DSTN: variants seen among roughly 807,000 people sequenced by gnomAD.
DSTN encodes destrin.
Under a neutral mutation model 16.8 loss-of-function variants are expected in DSTN, and 10 were observed. The ratio of observed to expected loss-of-function variants is 0.60; its 90% CI spans 0.37 to 1.01. The LOEUF (loss-of-function observed/expected upper bound fraction) is 1.01. Among genes scored for constraint, DSTN ranks in the 50% least tolerant of loss-of-function variants. The pLI is 0.01. For synonymous variants in DSTN, 57 were observed against 58.9 expected (o/e 0.97, Z 0.14); for missense variants, 141 against 196.7 (o/e 0.72, Z 1.69).
chr20:17,576,607 G>A (rs947195698), intron 1 of DSTN: 2 of 152,238 alleles, frequency 1.3e-5, no homozygotes, highest in Non-Finnish European at 2.9e-5. Context: ...TGAAAAGACT[G>A]AGAACGTCTG....
rs2035670967 is a variant in DSTN, at chr20:17,608,951, G to C, written c.*1805G>C. On this transcript the variant is annotated 3_prime_UTR_variant, in exon 4 of 4. Coordinates refer to ENST00000246069, the MANE Select transcript of DSTN (RefSeq NM_006870.4). ...ACAGTTGCCGACAGTATTCAGTATA[G>C]TAACGTGCTGTCCAGGTTTGTGGTC... is the stretch of plus-strand genomic sequence containing the variant. 1 of 152,144 alleles carries C rather than the reference G, an allele frequency of 6.6e-6. No individual in the cohort carries two copies. Among genetic ancestry groups the C allele is most frequent in the Non-Finnish European group, 1.5e-5 (1 of 68,036 alleles). The allele number at this position is 152,144 out of a possible 1,614,324, so 9.4% of individuals were successfully genotyped here.
chr20:17,572,655 A>C (rs2122154091), intron 1 of DSTN, among the ~76,000 whole-genome samples: 1 of 152,316 alleles, frequency 6.6e-6, no homozygotes, highest in South Asian at 2.1e-4. Context: ...GGTGATTAGC[A>C]AAAACACTAC....
At chr20:17,599,175 C>T (rs979671379) in intron 1 of DSTN, 8 of 152,272 alleles carry the variant, frequency 5.3e-5, no homozygotes, top group Admixed American at 4.6e-4. Context: ...CACCTGCAGC[C>T]CTGGCTATCT....
intron 1 of DSTN, among the ~76,000 whole-genome samples, chr20:17,572,731 A>C (rs1010032396): frequency 9.8e-5 from 15 of 152,336 alleles, no homozygotes; most frequent in African/African-American, 3.6e-4. Context: ...ACAGATTGTA[A>C]AGGATTAATT....
intron 1 of DSTN, among the ~76,000 whole-genome samples, chr20:17,589,704 A>T (rs918050767): frequency 1.3e-5 from 2 of 152,164 alleles, no homozygotes; most frequent in African/African-American, 4.8e-5. Context: ...GCATGGTATA[A>T]ATAAAGTAGA....
chr20:17,579,536 T>A (rs978854770), intron 1 of DSTN, among the ~76,000 whole-genome samples: 8 of 152,050 alleles, frequency 5.3e-5, no homozygotes, highest in African/African-American at 1.9e-4. Flanking sequence ...TGAACCAAGG[T>A]TGCACCACTG....
At position 17,607,434 on chromosome 20, in the gene DSTN, A is replaced by C; in HGVS notation, c.*288A>C. The C allele has an allele frequency of 3.4e-6, 1 of 297,720 alleles. No individual in the cohort carries two copies. The highest frequency in any genetic ancestry group is 6.1e-6 in the Non-Finnish European group (1 of 162,752). 18.4% of individuals were successfully genotyped at this position (297,720 alleles called of 1,614,324 possible). On this transcript the variant is annotated 3_prime_UTR_variant, in exon 4 of 4. Coordinates refer to ENST00000246069, the MANE Select transcript of DSTN (RefSeq NM_006870.4). ...TTAAATTACACAGTTCACAAACAGT[A>C]AAGGCCATGTGAAGAGAATTATTAC...
At position 17,607,426 on chromosome 20, in the gene DSTN, C is replaced by T. The variant is rs2035653948; in HGVS notation, c.*280C>T. 3.1e-6 allele frequency: 1 copy of T among 321,904 alleles called. No individual in the cohort carries two copies. Among genetic ancestry groups the T allele is most frequent in the Admixed American group, 4.7e-5 (1 of 21,266 alleles). 19.9% of individuals were successfully genotyped at this position (321,904 alleles called of 1,614,324 possible). A position where few individuals can be genotyped will look rare whatever the true frequency, so the allele number is the denominator to read the frequency against. On this transcript the variant is annotated 3_prime_UTR_variant, in exon 4 of 4. Coordinates refer to ENST00000246069, the MANE Select transcript of DSTN (RefSeq NM_006870.4). ...TCAGGATTTTAAATTACACAGTTCACAAACAGTAAAGGCCATGTGAAGAGA... is the reference window on the plus strand; with the variant it reads ...TCAGGATTTTAAATTACACAGTTCATAAACAGTAAAGGCCATGTGAAGAGA...
At position 17,607,132 on chromosome 20, in the gene DSTN, G is replaced by T. The variant is rs1240975432; in HGVS notation, c.484G>T (p.Gly162Ter). ...LGGSLIVAFE[G>*]CPV ...TGGATCCTTAATTGTAGCCTTTGAA[G>T]GATGCCCTGTGTAGATTATTCAGTG... Residue 162 changes from glycine (G) to a stop codon, truncating the protein, a stop_gained, in exon 4 of 4, where the codon GGA becomes TGA. Transcript: ENST00000246069. LOFTEE classifies it high-confidence loss of function. 1 of 1,612,342 alleles carries T rather than the reference G, an allele frequency of 6.2e-7. No individual in the cohort carries two copies. Among genetic ancestry groups the T allele is most frequent in the Non-Finnish European group, 8.5e-7 (1 of 1,179,924 alleles).
chr20:17,575,464 A>AT (rs201071241), intron 1 of DSTN, among the ~76,000 whole-genome samples: 3,577 of 141,886 alleles, frequency 0.025, 139 homozygotes, highest in African/African-American at 0.08. Flanking sequence ...TTGTGAAAGC[A>AT]TTTTTTTTTT....
intron 1 of DSTN, among the ~76,000 whole-genome samples, chr20:17,572,139 C>G (rs8184071): frequency 2.6e-4 from 39 of 152,310 alleles, no homozygotes; most frequent in African/African-American, 8.9e-4. Context: ...TAAATTTTAA[C>G]TACCGATGGG....
intron 1 of DSTN, among the ~76,000 whole-genome samples, chr20:17,574,738 A>T (rs2035249341): frequency 1.3e-5 from 2 of 149,782 alleles, no homozygotes; most frequent in Non-Finnish European, 3.0e-5. Flanking sequence ...AAAAAAAAAA[A>T]AAAAAAAAAT....
intron 1 of DSTN, among the ~76,000 whole-genome samples, chr20:17,593,581 G>C (rs1014710369): frequency 2.0e-5 from 3 of 152,176 alleles, no homozygotes; most frequent in Admixed American, 6.5e-5. Context: ...ACTTTTCTGC[G>C]TAGTGAGAAT....
At chr20:17,582,503 A>G (rs556550048) in intron 1 of DSTN, among the ~76,000 whole-genome samples, 13 of 152,350 alleles carry the variant, frequency 8.5e-5, no homozygotes, top group African/African-American at 2.4e-4. Flanking sequence ...GAGACTGCCA[A>G]TATAGATTTT....
chr20:17,575,168 G>A (rs1053825199), intron 1 of DSTN, among the ~76,000 whole-genome samples: 2 of 151,898 alleles, frequency 1.3e-5, no homozygotes, highest in African/African-American at 4.8e-5. Context: ...AATAGAATTT[G>A]TTTAAATCAA....
At chr20:17,588,494 A>G (rs1370649857) in intron 1 of DSTN, among the ~76,000 whole-genome samples, 2 of 152,202 alleles carry the variant, frequency 1.3e-5, no homozygotes, top group East Asian at 3.8e-4. Flanking sequence ...ATAAAAAGGA[A>G]CATTTGGCTG....
chr20:17,582,229 C>T (rs1167687168), intron 1 of DSTN, among the ~76,000 whole-genome samples: 1 of 151,992 alleles, frequency 6.6e-6, no homozygotes, highest in Non-Finnish European at 1.5e-5. Context: ...CAGGTGCGCG[C>T]CACCACGCCT....
At position 17,587,202 on chromosome 20, in the gene DSTN, T is replaced by TAA. The variant is rs11477352; in HGVS notation, c.4-13519_4-13518dup. 2.3e-3 allele frequency among the ~76,000 whole-genome samples: 322 copies of TAA among 137,058 alleles called. 1 individual carries two copies. Among genetic ancestry groups the TAA allele is most frequent in the African/African-American group, 6.4e-3 (254 of 39,446 alleles). The allele number at this position is 137,058 out of a possible 152,430, so 89.9% of individuals were successfully genotyped here. A position where few individuals can be genotyped will look rare whatever the true frequency, so the allele number is the denominator to read the frequency against. On this transcript the variant is annotated intron_variant, in intron 1 of 3. Transcript: ENST00000246069. ...AACTAGGCTTTTGTTTCTCAAGGAA[T>TAA]AAAAAAAAAAAAAAAAAATTCTTGT... is the stretch of plus-strand genomic sequence containing the variant.
intron 1 of DSTN, among the ~76,000 whole-genome samples, chr20:17,593,246 C>G (rs894702463): frequency 6.6e-6 from 1 of 152,184 alleles, no homozygotes; most frequent in Non-Finnish European, 1.5e-5. Context: ...AAGCTACTTT[C>G]TTTAAATTCC....
Sources: allele counts gnomAD v4.1 joint callset (sites outside exome capture counted in the v4.1 genomes callset), GRCh38; gene constraint gnomAD v4.1.1; transcripts MANE v1.5; gene names NCBI Gene and HGNC (gene_info 2026-07-23, HGNC 2026-07-21).